SLC18A1: variants seen among roughly 807,000 people sequenced by gnomAD.
SLC18A1 encodes the protein solute carrier family 18 member A1.
Under a neutral mutation model 53.7 loss-of-function variants are expected in SLC18A1, and 69 were observed. That is an observed-to-expected ratio of 1.28 (90% CI 1.06 to 1.57). SLC18A1 has a LOEUF of 1.57. Among genes scored for constraint, SLC18A1 ranks in the 40% most tolerant of loss-of-function variants. The pLI is 0.00. For synonymous variants in SLC18A1, 320 were observed against 248.1 expected (o/e 1.29, Z -2.72); for missense variants, 932 against 668.1 (o/e 1.40, Z -4.35).
chr8:20,175,274 T>C (rs1034207144), intron 4 of SLC18A1: 8 of 152,202 alleles, frequency 5.3e-5, no homozygotes, highest in Non-Finnish European at 1.2e-4. Flanking sequence ...CTCATATTGT[T>C]CAAACACACA....
rs1271585394 is a variant in SLC18A1, at chr8:20,183,050, A to G, written c.-124+13T>C. The G allele has an allele frequency of 6.6e-6, 1 of 152,228 alleles. No homozygotes were observed. Among genetic ancestry groups the G allele is most frequent in the East Asian group, 1.9e-4 (1 of 5,196 alleles). The allele number at this position is 152,228 out of a possible 1,614,324, so 9.4% of individuals were successfully genotyped here. ...GGAAAGATTAAATTTGTCCGGAGAG[A>G]GAAAAATCTTACCTTGGAGCCCATG... On this transcript the variant is annotated intron_variant, in intron 1 of 15. Transcript: ENST00000276373.
intron 10 of SLC18A1, among the ~76,000 whole-genome samples, chr8:20,160,843 A>C (rs1329273621): frequency 6.6e-6 from 1 of 152,144 alleles, no homozygotes; most frequent in African/African-American, 2.4e-5. Flanking sequence ...GTTGGGTCAT[A>C]ATACAGCCGA....
At chr8:20,160,922 A>T (rs1448320719) in intron 10 of SLC18A1, among the ~76,000 whole-genome samples, 1 of 152,118 alleles carries the variant, frequency 6.6e-6, no homozygotes, top group African/African-American at 2.4e-5. Flanking sequence ...CCCTTTTGTG[A>T]CTAACCCACT....
intron 1 of SLC18A1, among the ~76,000 whole-genome samples, chr8:20,182,606 A>T (rs2072457456): frequency 6.6e-6 from 1 of 152,242 alleles, no homozygotes; most frequent in African/African-American, 2.4e-5. Flanking sequence ...ATTATCACTG[A>T]AATTCAATAG....
chr8:20,156,138 G>GC (rs1009520048), intron 10 of SLC18A1, among the ~76,000 whole-genome samples: 9 of 152,122 alleles, frequency 5.9e-5, no homozygotes, highest in Non-Finnish European at 1.0e-4. Context: ...TTAAAGGGAT[G>GC]CCCCAAATGC....
Position 20,178,496 on chromosome 8 carries a change from A to G in SLC18A1, c.489-3T>C. Reference sequence around the variant, plus strand: ...ACATGGGGATATGATATCCAATCCTAAAAGGGAATTGAAAAAAAAAAAGAT... The same window carrying G: ...ACATGGGGATATGATATCCAATCCTGAAAGGGAATTGAAAAAAAAAAAGAT... On this transcript the variant is annotated splice_region_variant and splice_polypyrimidine_tract_variant and intron_variant, in intron 3 of 15. Transcript: ENST00000276373. 2 of 1,597,378 alleles carry G rather than the reference A, an allele frequency of 1.3e-6. No homozygotes were observed. Among genetic ancestry groups the G allele is most frequent in the South Asian group, 1.1e-5 (1 of 87,916 alleles).
chr8:20,157,009 G>T lies in SLC18A1; in HGVS notation c.1016-6265C>A, dbSNP rs557043359. On this transcript the variant is annotated intron_variant, in intron 10 of 15. Transcript: ENST00000276373. ...CAGCAGCCTGGACTCCTTTCTTTGT[G>T]GTCAAGAAAGGCGGGAAAACAGGTG... Among the ~76,000 whole-genome samples the T allele has an allele frequency of 5.9e-5, 9 of 152,272 alleles. No homozygotes were observed. The South Asian group carries it at 1.9e-3, about 32-fold the overall frequency.
intron 10 of SLC18A1, among the ~76,000 whole-genome samples, chr8:20,164,188 G>A (rs537397611): frequency 6.6e-6 from 1 of 152,188 alleles, no homozygotes; most frequent in South Asian, 2.1e-4. Flanking sequence ...CAATTTGCAC[G>A]TAGCCTTCCC....
chr8:20,169,187 A>G (rs569833299), intron 8 of SLC18A1, among the ~76,000 whole-genome samples: 13 of 152,142 alleles, frequency 8.5e-5, no homozygotes, highest in Admixed American at 2.6e-4. Context: ...CAGACAAACC[A>G]AATTTAGGAA....
Position 20,169,216 on chromosome 8 carries a change from C to T in SLC18A1, c.858+1887G>A, listed in dbSNP as rs182361063. ...TTAGGAATACCCTATAGATAATTGT[C>T]ACAAATGTCAATGTCATGAAAGATA... On this transcript the variant is annotated intron_variant, in intron 8 of 15. Coordinates refer to ENST00000276373, the MANE Select transcript of SLC18A1 (RefSeq NM_003053.4). Among the ~76,000 whole-genome samples the T allele has an allele frequency of 2.1e-3, 314 of 152,164 alleles. 1 individual carries two copies. The highest frequency in any genetic ancestry group is 6.9e-3 in the African/African-American group (287 of 41,502).
At chr8:20,168,697 T>A (rs2072035257) in intron 8 of SLC18A1, among the ~76,000 whole-genome samples, 1 of 152,114 alleles carries the variant, frequency 6.6e-6, no homozygotes. Context: ...GCCTCCTGAG[T>A]AGCTGGGATT....
At chr8:20,180,817 C>G (rs761156058) in intron 2 of SLC18A1, 24 bp downstream of exon 2, 1 of 1,612,958 alleles carries the variant, frequency 6.2e-7, no homozygotes, top group Non-Finnish European at 8.5e-7. Flanking sequence ...AATTAACCCT[C>G]AGCACAAAGA....
At chr8:20,165,736 C>T (rs2071941929) in intron 8 of SLC18A1, among the ~76,000 whole-genome samples, 1 of 152,148 alleles carries the variant, frequency 6.6e-6, no homozygotes, top group Admixed American at 6.5e-5. Flanking sequence ...TCATTATTGC[C>T]TTTGCCTAAA....
chr8:20,178,475 G>A lies in SLC18A1; in HGVS notation c.507C>T (p.Pro169=), dbSNP rs999984061. The change falls in exon 4 of 16, where the codon CCC becomes CCT. Residue 169 remains proline, a synonymous_variant. Transcript: ENST00000276373. The stretch of plus-strand genomic sequence containing the variant: ...ACATGATAACAAAGCCAGCAAACAT[G>A]GGGATATGATATCCAATCCTAAAAG... ...PLTNRIGYHI[P]MFAGFVIMFL... is the part of the protein sequence containing the mutation. 1 of 1,609,910 alleles carries A rather than the reference G, an allele frequency of 6.2e-7. No individual in the cohort carries two copies. The highest frequency in any genetic ancestry group is 2.2e-5 in the East Asian group (1 of 44,784).
chr8:20,159,078 G>C (rs551818112), intron 10 of SLC18A1, among the ~76,000 whole-genome samples: 4 of 152,206 alleles, frequency 2.6e-5, no homozygotes, highest in African/African-American at 7.2e-5. Flanking sequence ...AACTATAAAT[G>C]GTTCTTCAAA....
intron 10 of SLC18A1, among the ~76,000 whole-genome samples, chr8:20,162,756 A>C (rs2071860689): frequency 6.6e-6 from 1 of 152,208 alleles, no homozygotes; most frequent in Admixed American, 6.5e-5. Context: ...CATTCTGGTC[A>C]CAACCTCTTA....
intron 2 of SLC18A1, 23 bp from the exon 3 acceptor site, chr8:20,179,507 G>T: frequency 6.3e-7 from 1 of 1,589,160 alleles, no homozygotes; most frequent in Non-Finnish European, 8.6e-7. Context: ...GAGGACAGGT[G>T]ATGGGGGCTA....
chr8:20,173,922 G>A (rs1455534632), intron 5 of SLC18A1, among the ~76,000 whole-genome samples: 4 of 147,954 alleles, frequency 2.7e-5, no homozygotes, highest in African/African-American at 1.0e-4. Context: ...TTTGAGTTAG[G>A]GTCTAGCTCT....
chr8:20,161,931 G>A (rs1339868994), intron 10 of SLC18A1, among the ~76,000 whole-genome samples: 1 of 152,172 alleles, frequency 6.6e-6, no homozygotes, highest in African/African-American at 2.4e-5. Context: ...ACAGTTCCGT[G>A]ATCTTGGAAG....
Sources: allele counts gnomAD v4.1 joint callset (sites outside exome capture counted in the v4.1 genomes callset), GRCh38; gene constraint gnomAD v4.1.1; transcripts MANE v1.5; gene names NCBI Gene and HGNC (gene_info 2026-07-23, HGNC 2026-07-21).